The following FOXP2 variants were observed in gnomAD, a reference collection of about 807,000 sequenced individuals.
FOXP2 encodes the protein forkhead box P2, also known as forkhead box protein P2.
A neutral mutation model predicts 115.8 loss-of-function variants in FOXP2; 12 were observed. The ratio of observed to expected loss-of-function variants is 0.10; its 90% CI spans 0.07 to 0.17. The LOEUF (loss-of-function observed/expected upper bound fraction) is 0.17. FOXP2 is among the 10% of genes least tolerant of loss of function. The pLI, the probability that FOXP2 is intolerant of heterozygous loss-of-function variation, is 1.00. For synonymous variants in FOXP2, 328 were observed against 297.7 expected, an observed-to-expected ratio of 1.10 and a Z score of -1.05; for missense variants, 629 against 843.5, an observed-to-expected ratio of 0.75 and a Z score of 3.15.
rs994600513 is a variant in FOXP2, at chr7:114,414,834, G to A, written c.-537G>A. The A allele has an allele frequency of 3.4e-5, 11 of 327,436 alleles. No homozygotes were observed. Among genetic ancestry groups the A allele is most frequent in the African/African-American group, 8.7e-5 (4 of 46,128 alleles). 20.3% of individuals were successfully genotyped at this position (327,436 alleles called of 1,614,324 possible). ...TTTATCACAGACATGAAAGCTAACC[G>A]AGGACTTGAGAGACTCAAACTGGTG... is the stretch of plus-strand genomic sequence containing the variant. On this transcript the variant is annotated 5_prime_UTR_variant, in exon 1 of 17. Transcript: ENST00000350908.
intron 2 of FOXP2, among the ~76,000 whole-genome samples, chr7:114,471,420 T>C (rs891837971): frequency 1.3e-5 from 2 of 152,140 alleles, no homozygotes; most frequent in African/African-American, 2.4e-5. Flanking sequence ...CTAATCAACC[T>C]GACACATACC....
rs79316870 is a variant in FOXP2, at chr7:114,510,587, T to A, written c.169-24030T>A. Among the ~76,000 whole-genome samples, 1,308 of 152,306 alleles carry A rather than the reference T, an allele frequency of 8.6e-3. 15 individuals are homozygous for A. The highest frequency in any genetic ancestry group is 0.03 in the African/African-American group (1,248 of 41,566). ...TTTACCATAGACAAATGTGGTAATC[T>A]TTTGAACCAAATGGATATAAAGATA... On this transcript the variant is annotated intron_variant, in intron 2 of 16. Coordinates refer to ENST00000350908, the MANE Select transcript of FOXP2 (RefSeq NM_014491.4).
At chr7:114,584,134 T>C (rs1441123910) in intron 3 of FOXP2, among the ~76,000 whole-genome samples, 1 of 152,208 alleles carries the variant, frequency 6.6e-6, no homozygotes, top group African/African-American at 2.4e-5. Flanking sequence ...TAGTAAATGA[T>C]TGAGTCAAGA....
chr7:114,089,104 CTCATA>C (rs1799490651), intron 1 of FOXP2, among the ~76,000 whole-genome samples: 1 of 152,054 alleles, frequency 6.6e-6, no homozygotes, highest in Non-Finnish European at 1.5e-5. Flanking sequence ...CCTAACTAGA[CTCATA>C]TTCAGTCGTC....
chr7:114,103,659 T>G (rs1791043040), intron 1 of FOXP2, among the ~76,000 whole-genome samples: 1 of 152,066 alleles, frequency 6.6e-6, no homozygotes, highest in Non-Finnish European at 1.5e-5. Flanking sequence ...AGCTAATGGA[T>G]TGTTTAACTA....
intron 2 of FOXP2, among the ~76,000 whole-genome samples, chr7:114,431,403 A>G (rs565616890): frequency 7.2e-5 from 11 of 151,996 alleles, no homozygotes; most frequent in African/African-American, 2.6e-4. Context: ...TTGAGATGAG[A>G]AATCTGACAG....
At chr7:114,359,218 G>A (rs1338809068) in intron 2 of FOXP2, among the ~76,000 whole-genome samples, 2 of 152,220 alleles carry the variant, frequency 1.3e-5, no homozygotes, top group African/African-American at 4.8e-5. Flanking sequence ...AGCCTTGGTA[G>A]CTTACATGTG....
At chr7:114,586,938 G>A (rs1336373919) in intron 3 of FOXP2, among the ~76,000 whole-genome samples, 1 of 151,724 alleles carries the variant, frequency 6.6e-6, no homozygotes, top group Non-Finnish European at 1.5e-5. Context: ...TACTAGTAAA[G>A]GTAGTTTTAC....
At chr7:114,236,631 T>C (rs1332777887) in intron 1 of FOXP2, among the ~76,000 whole-genome samples, 1 of 152,154 alleles carries the variant, frequency 6.6e-6, no homozygotes, top group Non-Finnish European at 1.5e-5. Context: ...TTATAGAAAA[T>C]AGAACTTTAC....
chr7:114,163,665 A>G (rs1239369002), intron 1 of FOXP2, among the ~76,000 whole-genome samples: 2 of 152,218 alleles, frequency 1.3e-5, no homozygotes, highest in Non-Finnish European at 2.9e-5. Context: ...AAAGATATGT[A>G]TTAATGATTA....
chr7:114,114,921 A>G (rs1791362428), intron 1 of FOXP2, among the ~76,000 whole-genome samples: 3 of 152,208 alleles, frequency 2.0e-5, no homozygotes, highest in Non-Finnish European at 4.4e-5. Flanking sequence ...GAAAGTTAAC[A>G]GTGTTCTCTA....
intron 2 of FOXP2, among the ~76,000 whole-genome samples, chr7:114,461,238 T>C (rs1450855399): frequency 6.6e-6 from 1 of 152,248 alleles, no homozygotes; most frequent in Admixed American, 6.5e-5. Context: ...TTTGAATATC[T>C]TTAAAGTTTG....
At chr7:114,251,525 T>C (rs1795443192) in intron 1 of FOXP2, among the ~76,000 whole-genome samples, 1 of 152,186 alleles carries the variant, frequency 6.6e-6, no homozygotes, top group Admixed American at 6.5e-5. Flanking sequence ...CCCTTGTAAG[T>C]TGGATTCCTG....
At chr7:114,366,513 C>T (rs985925568) in intron 2 of FOXP2, 1 of 152,014 alleles carries the variant, frequency 6.6e-6, no homozygotes, top group South Asian at 2.1e-4. Context: ...AGCCAGTACT[C>T]ATATATATAG....
At chr7:114,230,975 T>TACACACACACACAC (rs3086371) in intron 1 of FOXP2, among the ~76,000 whole-genome samples, 3 of 147,036 alleles carry the variant, frequency 2.0e-5, no homozygotes, top group African/African-American at 7.5e-5. Flanking sequence ...CCCTAAAGAT[T>TACACACACACACAC]ACACACACAC....
At chr7:114,652,399 C>A in intron 9 of FOXP2, 109 bp downstream of exon 9, 1 of 874,994 alleles carries the variant, frequency 1.1e-6, no homozygotes, top group Non-Finnish European at 1.9e-6. Flanking sequence ...CTTAGCCATT[C>A]AATACTAATG....
chr7:114,203,160 A>T (rs1481263523), intron 1 of FOXP2, among the ~76,000 whole-genome samples: 1 of 152,158 alleles, frequency 6.6e-6, no homozygotes, highest in Non-Finnish European at 1.5e-5. Flanking sequence ...TTTCTTAATT[A>T]TTTTTGTTTT....
At chr7:114,523,195 A>G (rs887078789) in intron 2 of FOXP2, among the ~76,000 whole-genome samples, 1 of 152,222 alleles carries the variant, frequency 6.6e-6, no homozygotes, top group Non-Finnish European at 1.5e-5. Flanking sequence ...TTCAGAGATC[A>G]TCAATGATAG....
At chr7:114,119,127 C>T (rs989455661) in intron 1 of FOXP2, among the ~76,000 whole-genome samples, 3 of 152,004 alleles carry the variant, frequency 2.0e-5, no homozygotes, top group African/African-American at 7.2e-5. Flanking sequence ...TACTAATAGC[C>T]TAAGTTAGTT....
Sources: allele counts gnomAD v4.1 joint callset (sites outside exome capture counted in the v4.1 genomes callset), GRCh38; gene constraint gnomAD v4.1.1; transcripts MANE v1.5; gene names NCBI Gene and HGNC (gene_info 2026-07-23, HGNC 2026-07-21).